Variants in CYP3A43 observed in about 807,000 individuals in gnomAD.
The protein encoded by CYP3A43 is cytochrome P450 family 3 subfamily A member 43, also known as cytochrome P450 3A43.
In CYP3A43, 45 loss-of-function variants were observed where a neutral mutation model predicts 58.0. The ratio of observed to expected loss-of-function variants is 0.78; its 90% CI spans 0.61 to 0.99. The LOEUF (loss-of-function observed/expected upper bound fraction) is 0.99, where lower values mean the gene tolerates loss of function less well. CYP3A43 is among the 50% of genes least tolerant of loss of function. CYP3A43 has a pLI of 0.00. For missense variants in CYP3A43, 593 were observed against 591.9 expected, an observed-to-expected ratio of 1.00 and a Z score of -0.02; for synonymous variants, 191 against 201.4, an observed-to-expected ratio of 0.95 and a Z score of 0.44.
intron 3 of CYP3A43, among the ~76,000 whole-genome samples, chr7:99,842,701 A>G (rs1182854895): frequency 1.3e-5 from 2 of 152,242 alleles, no homozygotes; most frequent in African/African-American, 4.8e-5. Flanking sequence ...GTCATGCAAT[A>G]CTGCCTTCCT....
intron 2 of CYP3A43, chr7:99,838,644 A>G (rs1490970123): frequency 7.8e-7 from 1 of 1,282,836 alleles, no homozygotes; most frequent in Middle Eastern, 2.1e-4. Flanking sequence ...TCCATTTCAA[A>G]TATCTTCTGT....
At chr7:99,865,815 GC>G in intron 12 of CYP3A43, 90 bp from the exon 13 acceptor site, 1 of 861,178 alleles carries the variant, frequency 1.2e-6, no homozygotes, top group Non-Finnish European at 1.7e-6. Flanking sequence ...TCATTGCAAA[GC>G]ATTACCCTTG....
Position 99,863,547 on chromosome 7 carries a change from A to T in CYP3A43, c.1264A>T (p.Lys422Ter). ...CTACTGTGAAAGTAGGTTCAGTAAG[A>T]AGAACAAGGACAGCATAGATCTTTA... ...EKFCPERFSK[K>*]NKDSIDLYRY... Residue 422 changes from lysine to a stop codon, truncating the protein, a stop_gained, in exon 12 of 13, where the codon AAG (lysine) becomes TAG (stop). Transcript: ENST00000354829. LOFTEE classifies it high-confidence loss of function. 1.3e-6 allele frequency: 2 copies of T among 1,597,070 alleles called. No individual in the cohort carries two copies. Among genetic ancestry groups the T allele is most frequent in the Non-Finnish European group, 8.5e-7 (1 of 1,174,798 alleles).
intron 9 of CYP3A43, 88 bp downstream of exon 9, chr7:99,856,987 A>T (rs756534863): frequency 2.1e-6 from 3 of 1,454,836 alleles, no homozygotes; most frequent in Non-Finnish European, 2.8e-6. Flanking sequence ...TTTTCCAGGA[A>T]AATGAGAATT....
At chr7:99,855,822 A>G (rs1256462480) in intron 8 of CYP3A43, 104 bp downstream of exon 8, 2 of 1,295,158 alleles carry the variant, frequency 1.5e-6, no homozygotes, top group Admixed American at 2.7e-5. Flanking sequence ...AAAGGCAGCT[A>G]GAGAACTTTA....
In CYP3A43 at chr7:99,866,056, C is replaced by A; in HGVS notation, c.*55C>A. Reference sequence around the variant, plus strand: ...GAAAGCTGTATCCCAGAACACTAGACACTTCAAATTGTTTTGTGAATAAAA... The same window carrying A: ...GAAAGCTGTATCCCAGAACACTAGAAACTTCAAATTGTTTTGTGAATAAAA... On this transcript the variant is annotated 3_prime_UTR_variant, in exon 13 of 13. Coordinates refer to ENST00000354829, the MANE Select transcript of CYP3A43 (RefSeq NM_057095.3). 1 of 1,110,290 alleles carries A rather than the reference C, an allele frequency of 9.0e-7. No individual in the cohort carries two copies. Among genetic ancestry groups the A allele is most frequent in the Non-Finnish European group, 1.3e-6 (1 of 765,708 alleles). The allele number at this position is 1,110,290 out of a possible 1,614,324, so 68.8% of individuals were successfully genotyped here. A position where few individuals can be genotyped will look rare whatever the true frequency, so the allele number is the denominator to read the frequency against.
chr7:99,845,347 G>A (rs1368340739), intron 4 of CYP3A43, among the ~76,000 whole-genome samples: 1 of 151,552 alleles, frequency 6.6e-6, no homozygotes, highest in East Asian at 1.9e-4. Flanking sequence ...AATTGAGACA[G>A]AGTCTCGCTC....
intron 7 of CYP3A43, among the ~76,000 whole-genome samples, chr7:99,854,092 C>T (rs35156985): frequency 0.14 from 20,878 of 152,002 alleles, 1,970 homozygotes; most frequent in Admixed American, 0.26. Flanking sequence ...TGCTATCAAA[C>T]CATAGGTCTT....
chr7:99,859,485 G>A (rs2151623573), intron 9 of CYP3A43, among the ~76,000 whole-genome samples: 1 of 152,260 alleles, frequency 6.6e-6, no homozygotes, highest in South Asian at 2.1e-4. Flanking sequence ...TATAGATAAA[G>A]AACTTCTATG....
intron 7 of CYP3A43, among the ~76,000 whole-genome samples, chr7:99,854,995 A>G (rs1188674060): frequency 1.3e-5 from 2 of 151,360 alleles, no homozygotes; most frequent in African/African-American, 4.9e-5. Flanking sequence ...AGCGATTCTC[A>G]TGACTGGGTC....
chr7:99,856,074 T>C (rs1287951481), intron 8 of CYP3A43, among the ~76,000 whole-genome samples: 1 of 152,240 alleles, frequency 6.6e-6, no homozygotes, highest in African/African-American at 2.4e-5. Context: ...AATTATTTTA[T>C]GGGTATTACA....
intron 7 of CYP3A43, among the ~76,000 whole-genome samples, chr7:99,853,288 C>A (rs911896996): frequency 5.9e-5 from 9 of 152,152 alleles, no homozygotes; most frequent in African/African-American, 2.2e-4. Flanking sequence ...TAGATCTATT[C>A]AGATTGTCTG....
intron 7 of CYP3A43, among the ~76,000 whole-genome samples, chr7:99,850,991 A>T (rs569485548): frequency 4.6e-5 from 7 of 152,092 alleles, no homozygotes; most frequent in Non-Finnish European, 1.0e-4. Context: ...ACTTGGCGAA[A>T]CCCTGTCTCT....
chr7:99,841,287 G>A (rs979559845), intron 3 of CYP3A43, among the ~76,000 whole-genome samples: 1 of 151,996 alleles, frequency 6.6e-6, no homozygotes, highest in African/African-American at 2.4e-5. Context: ...CCAATTCGTG[G>A]CCCCCTCTAA....
At chr7:99,830,758 A>G (rs2151585756) in intron 1 of CYP3A43, among the ~76,000 whole-genome samples, 1 of 152,306 alleles carries the variant, frequency 6.6e-6, no homozygotes, top group East Asian at 1.9e-4. Context: ...TTCTTTGAGT[A>G]TCATATCTTT....
chr7:99,828,608 C>T (rs954674719), intron 1 of CYP3A43, among the ~76,000 whole-genome samples: 3 of 151,914 alleles, frequency 2.0e-5, no homozygotes, highest in East Asian at 1.9e-4. Context: ...TTTCAGTGAG[C>T]GGAGATTGCA....
At chr7:99,855,919 T>C (rs1817960184) in intron 8 of CYP3A43, among the ~76,000 whole-genome samples, 1 of 152,224 alleles carries the variant, frequency 6.6e-6, no homozygotes, top group Non-Finnish European at 1.5e-5. Flanking sequence ...ATTTGGAATT[T>C]AATAATAGGC....
intron 7 of CYP3A43, chr7:99,850,163 G>A (rs1386554188): frequency 6.0e-6 from 2 of 332,824 alleles, no homozygotes; most frequent in African/African-American, 2.3e-5. Context: ...TGCCATGTTG[G>A]TCAGGCTGGT....
Position 99,856,891 on chromosome 7 carries a change from C to G in CYP3A43, c.857C>G (p.Ser286Cys), listed in dbSNP as rs887268766. The G allele has an allele frequency of 6.2e-7, 1 of 1,613,684 alleles. No homozygotes were observed. Among genetic ancestry groups the G allele is most frequent in the African/African-American group, 1.3e-5 (1 of 74,866 alleles). Residue 286 changes from serine to cysteine, a missense_variant, in exon 9 of 13, where the codon TCC (serine) becomes TGC (cysteine). Transcript: ENST00000354829. ...IDSQNSKETK[S>C]HKALSDLELV... is the part of the protein sequence containing the mutation. ...TCCCAGAATTCCAAAGAAACAAAGT[C>G]CCATAAAGGTAACCAAGAACTGCAT...
Sources: allele counts gnomAD v4.1 joint callset (sites outside exome capture counted in the v4.1 genomes callset), GRCh38; gene constraint gnomAD v4.1.1; transcripts MANE v1.5; gene names NCBI Gene and HGNC (gene_info 2026-07-23, HGNC 2026-07-21).